Variants in FAM110B observed in about 807,000 individuals in gnomAD.
FAM110B encodes family with sequence similarity 110 member B.
Under a neutral mutation model 20.4 loss-of-function variants are expected in FAM110B, and 6 were observed. The observed-to-expected ratio is 0.29, with a 90% CI of 0.16 to 0.58. FAM110B has a LOEUF of 0.58. Among genes scored for constraint, FAM110B ranks in the 20% least tolerant of loss-of-function variants. The pLI, the probability that FAM110B is intolerant of heterozygous loss-of-function variation, is 0.90. For missense variants in FAM110B, 434 were observed against 498.2 expected (o/e 0.87, Z 1.23); for synonymous variants, 226 against 214.1 (o/e 1.06, Z -0.49).
intron 1 of FAM110B, among the ~76,000 whole-genome samples, chr8:58,014,168 T>G (rs1175914956): frequency 6.6e-6 from 1 of 152,200 alleles, no homozygotes; most frequent in Non-Finnish European, 1.5e-5. Context: ...TGATCCAGAC[T>G]GTCTAGTAAG....
chr8:58,047,788 T>C (rs971280699), intron 2 of FAM110B, among the ~76,000 whole-genome samples: 4 of 152,152 alleles, frequency 2.6e-5, no homozygotes, highest in African/African-American at 7.2e-5. Flanking sequence ...TTCTGGGCTA[T>C]TCAGTGTGCA....
chr8:58,088,845 C>T (rs1016921919), intron 3 of FAM110B, among the ~76,000 whole-genome samples: 2 of 152,172 alleles, frequency 1.3e-5, no homozygotes, highest in Non-Finnish European at 2.9e-5. Context: ...ACATGTACAC[C>T]AACTTGCTGC....
chr8:58,075,275 T>TGTGTGTGTGTGTGTG (rs1554521069), intron 2 of FAM110B, among the ~76,000 whole-genome samples: 9 of 141,744 alleles, frequency 6.3e-5, no homozygotes, highest in African/African-American at 2.6e-4. Flanking sequence ...TTTTTTTTTT[T>TGTGTGTGTGTGTGTG]TGTGTGTGTG....
At chr8:58,137,339 C>A (rs1803642092) in intron 3 of FAM110B, among the ~76,000 whole-genome samples, 1 of 152,212 alleles carries the variant, frequency 6.6e-6, no homozygotes, top group Admixed American at 6.5e-5. Context: ...GCAGGCGGAT[C>A]ACCTTAGGTC....
intron 1 of FAM110B, among the ~76,000 whole-genome samples, chr8:57,995,401 C>G (rs935180186): frequency 2.0e-5 from 3 of 152,214 alleles, no homozygotes; most frequent in African/African-American, 7.2e-5. Context: ...CCTCCAGCTC[C>G]TCCCGTGGCC....
chr8:57,998,381 A>G (rs527690388), intron 1 of FAM110B, among the ~76,000 whole-genome samples: 19 of 152,306 alleles, frequency 1.2e-4, no homozygotes, highest in South Asian at 1.2e-3. Flanking sequence ...CCCTATGCCA[A>G]GTGACTTTCT....
intron 2 of FAM110B, among the ~76,000 whole-genome samples, chr8:58,052,830 G>T (rs1805476238): frequency 8.1e-6 from 1 of 124,108 alleles, no homozygotes; most frequent in Admixed American, 1.1e-4. Context: ...CTGTCGCCCA[G>T]GCTGGAGTGC....
intron 3 of FAM110B, among the ~76,000 whole-genome samples, chr8:58,092,743 A>G (rs1340071617): frequency 6.6e-6 from 1 of 152,148 alleles, no homozygotes; most frequent in African/African-American, 2.4e-5. Flanking sequence ...ATGATTTATA[A>G]TCTTTTGGGT....
intron 3 of FAM110B, among the ~76,000 whole-genome samples, chr8:58,122,581 G>T (rs1184489016): frequency 6.6e-6 from 1 of 152,012 alleles, no homozygotes; most frequent in Non-Finnish European, 1.5e-5. Context: ...TAAATTTTAA[G>T]TATATATTTA....
At chr8:58,080,832 G>T (rs913836840) in intron 3 of FAM110B, among the ~76,000 whole-genome samples, 3 of 152,164 alleles carry the variant, frequency 2.0e-5, no homozygotes, top group Non-Finnish European at 4.4e-5. Context: ...TCTTTAGGCA[G>T]AGCTTCACAG....
chr8:58,123,899 G>C (rs1344631051), intron 3 of FAM110B, among the ~76,000 whole-genome samples: 1 of 152,224 alleles, frequency 6.6e-6, no homozygotes, highest in East Asian at 1.9e-4. Flanking sequence ...AAGAGTGTTT[G>C]TGACAGGGAT....
intron 3 of FAM110B, among the ~76,000 whole-genome samples, chr8:58,122,238 G>A (rs936131442): frequency 2.0e-5 from 3 of 152,084 alleles, no homozygotes; most frequent in Non-Finnish European, 4.4e-5. Flanking sequence ...TTCTCTAGAA[G>A]CTTTTAAGAT....
chr8:58,075,296 T>TGTGTGTG (rs1286749297), intron 2 of FAM110B, among the ~76,000 whole-genome samples: 4 of 150,562 alleles, frequency 2.7e-5, no homozygotes, highest in African/African-American at 7.4e-5. Flanking sequence ...TGTGTGTGTG[T>TGTGTGTG]TTTGTAGATA....
chr8:58,021,725 A>G (rs1402586491), intron 1 of FAM110B, among the ~76,000 whole-genome samples: 1 of 152,148 alleles, frequency 6.6e-6, no homozygotes, highest in Non-Finnish European at 1.5e-5. Context: ...TGGATGAGCA[A>G]GGTATCATTT....
At chr8:58,057,267 C>T (rs553660571) in intron 2 of FAM110B, among the ~76,000 whole-genome samples, 1 of 152,098 alleles carries the variant, frequency 6.6e-6, no homozygotes, top group South Asian at 2.1e-4. Flanking sequence ...TGGGGCCCCT[C>T]GAGCACACAC....
At chr8:58,018,416 C>G (rs1804679618) in intron 1 of FAM110B, among the ~76,000 whole-genome samples, 1 of 152,074 alleles carries the variant, frequency 6.6e-6, no homozygotes, top group Admixed American at 6.6e-5. Context: ...GCCACACCAG[C>G]TTTCTCATGA....
intron 2 of FAM110B, among the ~76,000 whole-genome samples, chr8:58,059,860 A>G (rs900167187): frequency 2.0e-5 from 3 of 152,112 alleles, no homozygotes; most frequent in Non-Finnish European, 2.9e-5. Context: ...TAGATGCTCT[A>G]TAGTTTTAGT....
intron 1 of FAM110B, among the ~76,000 whole-genome samples, chr8:58,004,537 G>C (rs961567600): frequency 9.2e-5 from 14 of 152,316 alleles, no homozygotes; most frequent in Admixed American, 7.8e-4. Context: ...TTGAGGTCAG[G>C]AGTTCAAGAC....
At chr8:58,063,678 C>T (rs367613086) in intron 2 of FAM110B, among the ~76,000 whole-genome samples, 14 of 152,132 alleles carry the variant, frequency 9.2e-5, no homozygotes, top group Non-Finnish European at 1.5e-4. Context: ...TACCTGTATA[C>T]ATTGATTTAT....
Sources: gnomAD v4.1 joint callset for allele counts (sites outside exome capture counted in the v4.1 genomes callset) on GRCh38, gnomAD v4.1.1 for gene constraint, MANE v1.5 for transcripts, NCBI Gene and HGNC (gene_info 2026-07-23, HGNC 2026-07-21) for gene names.